The following IMPG2 variants were observed in gnomAD, a reference collection of about 807,000 sequenced individuals.
IMPG2 encodes IPM 200.
A neutral mutation model predicts 129.2 loss-of-function variants in IMPG2; 91 were observed. That is an observed-to-expected ratio of 0.70 (90% CI 0.59 to 0.84). The LOEUF is 0.84. Among genes scored for constraint, IMPG2 ranks in the 40% least tolerant of loss-of-function variants. The pLI is 0.00. For synonymous variants in IMPG2, 510 were observed against 517.7 expected (o/e 0.99, Z 0.20); for missense variants, 1,430 against 1,461.7 (o/e 0.98, Z 0.35).
intron 14 of IMPG2, among the ~76,000 whole-genome samples, chr3:101,238,836 A>G (rs1472441846): frequency 1.3e-5 from 2 of 152,234 alleles, no homozygotes; most frequent in Non-Finnish European, 2.9e-5. Context: ...ACCAGCTAGC[A>G]TCATACTGAC....
intron 10 of IMPG2, among the ~76,000 whole-genome samples, chr3:101,256,655 A>C (rs1706613803): frequency 1.3e-5 from 2 of 152,064 alleles, no homozygotes; most frequent in Admixed American, 6.6e-5. Flanking sequence ...TCCTCTTTAA[A>C]ATGTGTGGGA....
chr3:101,294,282 C>T (rs1707054187), intron 3 of IMPG2, among the ~76,000 whole-genome samples: 1 of 151,990 alleles, frequency 6.6e-6, no homozygotes, highest in African/African-American at 2.4e-5. Flanking sequence ...ATGTTGTTCC[C>T]CTTCCTTTTT....
chr3:101,304,423 G>T, intron 2 of IMPG2, 111 bp from the exon 3 acceptor site: 1 of 964,780 alleles, frequency 1.0e-6, no homozygotes, highest in South Asian at 1.4e-5. Context: ...TGTCCTTTCT[G>T]GAGGGATGTA....
At position 101,319,696 on chromosome 3, in the gene IMPG2, C is replaced by T. The variant is rs2058801930; in HGVS notation, c.222G>A (p.Gln74=). The T allele has an allele frequency of 1.9e-6, 3 of 1,613,620 alleles. No individual in the cohort carries two copies. Among genetic ancestry groups the T allele is most frequent in the Non-Finnish European group, 2.5e-6 (3 of 1,179,836 alleles). Residue 74 remains glutamine (Q), a synonymous_variant, in exon 2 of 19, where the codon CAG becomes CAA. Transcript: ENST00000193391. The part of the protein sequence containing the change: ...QPLDRRETER[Q]WLIRRRRSIL... ...TAGATCTCCGCCTTCTGATTAACCA[C>T]TGTCTTTCAGTTTCTCTGCGGTCCA...
intron 3 of IMPG2, among the ~76,000 whole-genome samples, chr3:101,291,917 C>T (rs1480608461): frequency 6.6e-6 from 1 of 152,112 alleles, no homozygotes; most frequent in Non-Finnish European, 1.5e-5. Flanking sequence ...GTGGATAAAA[C>T]AATTGATGTT....
rs773974821 is a variant in IMPG2 at position 101,244,311 on chromosome 3, T to C, written c.2020A>G (p.Thr674Ala). 1.2e-6 allele frequency: 2 copies of C among 1,614,054 alleles called. No homozygotes were observed. Among genetic ancestry groups the C allele is most frequent in the South Asian group, 2.2e-5 (2 of 91,084 alleles). The change falls in exon 13 of 19, where the codon ACA becomes GCA. Residue 674 changes from threonine to alanine, a missense_variant. Physicochemically the swap from Thr to Ala is moderately conservative, Grantham distance 58. Coordinates refer to ENST00000193391, the MANE Select transcript of IMPG2 (RefSeq NM_016247.4). ...HSKYEHDDRS[T>A]HFPEEEPLSG... ...AGAGGCTCTTCCTCTGGAAAGTGTGTGGATCTGTCATCATGTTCATATTTT... is the reference window on the plus strand; with the variant it reads ...AGAGGCTCTTCCTCTGGAAAGTGTGCGGATCTGTCATCATGTTCATATTTT...
At chr3:101,241,350 A>C (rs1250033549) in intron 14 of IMPG2, among the ~76,000 whole-genome samples, 1 of 152,224 alleles carries the variant, frequency 6.6e-6, no homozygotes, top group Non-Finnish European at 1.5e-5. Flanking sequence ...AGAAGGCAAA[A>C]GTGGACAGTG....
At chr3:101,256,126 GAGAA>G (rs200258460) in intron 10 of IMPG2, among the ~76,000 whole-genome samples, 138 of 68,070 alleles carry the variant, frequency 2.0e-3, no homozygotes, top group African/African-American at 4.3e-3. Context: ...AAAAGAAAGA[GAGAA>G]AGAAAGAAAG....
intron 11 of IMPG2, among the ~76,000 whole-genome samples, chr3:101,249,520 T>G (rs1706521187): frequency 6.6e-6 from 1 of 151,798 alleles, no homozygotes; most frequent in South Asian, 2.1e-4. Context: ...AAAAAGTATA[T>G]GATGCAATGT....
At chr3:101,250,494 G>A (rs1318842823) in intron 11 of IMPG2, among the ~76,000 whole-genome samples, 2 of 152,128 alleles carry the variant, frequency 1.3e-5, no homozygotes, top group Non-Finnish European at 2.9e-5. Context: ...AAGAACACAT[G>A]TAGTACAACC....
intron 14 of IMPG2, among the ~76,000 whole-genome samples, chr3:101,234,748 G>T (rs1402299393): frequency 6.6e-6 from 1 of 152,188 alleles, no homozygotes; most frequent in African/African-American, 2.4e-5. Flanking sequence ...GTACTGCATA[G>T]CTCTCCTTTG....
chr3:101,232,223 A>ATT (rs11449916), intron 15 of IMPG2, among the ~76,000 whole-genome samples: 70 of 148,926 alleles, frequency 4.7e-4, no homozygotes, highest in East Asian at 2.6e-3. Flanking sequence ...TAGGATTTTT[A>ATT]TTTTTTTTTT....
intron 2 of IMPG2, among the ~76,000 whole-genome samples, chr3:101,315,119 G>A (rs533786906): frequency 1.5e-3 from 224 of 152,086 alleles, no homozygotes; most frequent in Non-Finnish European, 2.7e-3. Flanking sequence ...CCAGACACAC[G>A]AACAACAGTA....
At chr3:101,268,322 G>C (rs780281018) in intron 8 of IMPG2, among the ~76,000 whole-genome samples, 1 of 152,110 alleles carries the variant, frequency 6.6e-6, no homozygotes, top group Non-Finnish European at 1.5e-5. Flanking sequence ...CCAAATAAGG[G>C]AGGTCTTCAA....
intron 14 of IMPG2, among the ~76,000 whole-genome samples, chr3:101,235,604 T>A (rs1706337037): frequency 6.6e-6 from 1 of 152,202 alleles, no homozygotes; most frequent in East Asian, 1.9e-4. Context: ...AATATTTTAA[T>A]AATGTAAATA....
chr3:101,303,818 G>A (rs1323161330), intron 3 of IMPG2, among the ~76,000 whole-genome samples: 3 of 152,042 alleles, frequency 2.0e-5, no homozygotes, highest in East Asian at 3.9e-4. Context: ...TGACTCTCAC[G>A]GATTTATATT....
intron 4 of IMPG2, among the ~76,000 whole-genome samples, chr3:101,285,273 T>C (rs980897337): frequency 4.6e-5 from 7 of 152,130 alleles, no homozygotes; most frequent in African/African-American, 9.7e-5. Flanking sequence ...GTACTGCCAG[T>C]GTGCACCAAA....
At chr3:101,253,838 G>A in intron 10 of IMPG2, 57 bp from the exon 11 acceptor site, 1 of 1,208,640 alleles carries the variant, frequency 8.3e-7, no homozygotes, top group Non-Finnish European at 1.2e-6. Flanking sequence ...TGTATTTGAG[G>A]TGCAGGGACA....
chr3:101,311,179 T>TTA (rs367886756), intron 2 of IMPG2, among the ~76,000 whole-genome samples: 1 of 142,800 alleles, frequency 7.0e-6, no homozygotes. Context: ...TACAACTAGG[T>TTA]AAAAAAAAAA....
Sources: allele counts gnomAD v4.1 joint callset (sites outside exome capture counted in the v4.1 genomes callset), GRCh38; gene constraint gnomAD v4.1.1; transcripts MANE v1.5; gene names NCBI Gene and HGNC (gene_info 2026-07-23, HGNC 2026-07-21).